Variants in COX7A2L observed in about 807,000 individuals in gnomAD.
COX7A2L encodes the protein cytochrome c oxidase subunit 7A2-like, mitochondrial.
COX7A2L carries 18 observed loss-of-function variants against 14.2 expected under a neutral mutation model. The observed-to-expected ratio is 1.27, with a 90% CI of 0.88 to 1.88. The LOEUF (loss-of-function observed/expected upper bound fraction) is 1.88, where lower values mean the gene tolerates loss of function less well. COX7A2L is among the 40% of genes most tolerant of loss of function. COX7A2L has a pLI of 0.00. For missense variants in COX7A2L, 179 were observed against 138.8 expected, an observed-to-expected ratio of 1.29 and a Z score of -1.46; for synonymous variants, 65 against 57.4, an observed-to-expected ratio of 1.13 and a Z score of -0.60.
In COX7A2L at chr2:42,342,441, C is replaced by T. The variant is rs1016474029; in HGVS notation, c.193-8572G>A. Among the ~76,000 whole-genome samples, 4 of 152,148 alleles carry T rather than the reference C, an allele frequency of 2.6e-5. No individual in the cohort carries two copies. The highest frequency in any genetic ancestry group is 9.7e-5 in the African/African-American group (4 of 41,444). ...ACGGCCCACACAGACTCAGCCTCTC[C>T]TTCCCTGCCTTGGAAAACCCAGGTC... is the stretch of plus-strand genomic sequence containing the variant. On this transcript the variant is annotated intron_variant, in intron 2 of 2. Coordinates refer to the COX7A2L transcript ENST00000468711. The surrounding 1 kb of genome is among the most constrained non-coding windows in gnomAD (Gnocchi z 4.9).
chr2:42,336,458 A>G (rs1363009302), intron 2 of COX7A2L, among the ~76,000 whole-genome samples: 1 of 152,148 alleles, frequency 6.6e-6, no homozygotes, highest in Non-Finnish European at 1.5e-5. Flanking sequence ...GAGTGCCCGA[A>G]GAAAGGGCCT....
At chr2:42,336,753 G>A (rs1021473293) in intron 2 of COX7A2L, among the ~76,000 whole-genome samples, 3 of 152,162 alleles carry the variant, frequency 2.0e-5, no homozygotes, top group South Asian at 4.1e-4. Context: ...CCTCTTCTAC[G>A]GACTTCAGTC....
chr2:42,367,693 G>C (rs977563074), intron 1 of COX7A2L, among the ~76,000 whole-genome samples: 3 of 152,218 alleles, frequency 2.0e-5, no homozygotes, highest in Non-Finnish European at 4.4e-5. Flanking sequence ...GCCCTCCACT[G>C]ACCACCGATT....
chr2:42,351,698 G>A (rs953013039), intron 2 of COX7A2L, among the ~76,000 whole-genome samples: 1 of 152,206 alleles, frequency 6.6e-6, no homozygotes, highest in Admixed American at 6.5e-5. Flanking sequence ...GAGAGGCTGG[G>A]CGCGGTGGCT....
chr2:42,340,387 TGTAA>T (rs1403816515), intron 2 of COX7A2L, among the ~76,000 whole-genome samples: 3 of 152,210 alleles, frequency 2.0e-5, no homozygotes, highest in African/African-American at 7.2e-5. Flanking sequence ...TATCAATTGT[TGTAA>T]GTCTTTTTCC....
rs190819821 is a variant in COX7A2L, at chr2:42,349,767, G to T, written c.*1452C>A. 6.6e-6 allele frequency: 1 copy of T among 152,148 alleles called. No individual in the cohort carries two copies. The highest frequency in any genetic ancestry group is 2.4e-5 in the African/African-American group (1 of 41,424). 9.4% of individuals were successfully genotyped at this position (152,148 alleles called of 1,614,324 possible). ...TGACAACTGCATTATGGTTATAAAG[G>T]AACACATGTCCTTACTCAGAAGATA... On this transcript the variant is annotated 3_prime_UTR_variant, in exon 3 of 3. Transcript: ENST00000234301.
At chr2:42,357,864 A>G (rs1255032414) in intron 1 of COX7A2L, among the ~76,000 whole-genome samples, 1 of 152,012 alleles carries the variant, frequency 6.6e-6, no homozygotes, top group Non-Finnish European at 1.5e-5. Flanking sequence ...TCACAAAATT[A>G]AGTCCTTACA....
intron 2 of COX7A2L, among the ~76,000 whole-genome samples, chr2:42,351,783 G>A (rs1221900541): frequency 3.9e-5 from 6 of 152,134 alleles, no homozygotes; most frequent in Admixed American, 2.6e-4. Context: ...AGACCAGCCT[G>A]GGCAACATGG....
chr2:42,367,869 C>A (rs1349284276), intron 1 of COX7A2L, among the ~76,000 whole-genome samples: 1 of 152,238 alleles, frequency 6.6e-6, no homozygotes, highest in Non-Finnish European at 1.5e-5. Context: ...TCTTCCACCC[C>A]CAAACTGCAA....
intron 2 of COX7A2L, among the ~76,000 whole-genome samples, chr2:42,351,640 A>AT (rs1670648540): frequency 6.6e-6 from 1 of 152,202 alleles, no homozygotes; most frequent in Non-Finnish European, 1.5e-5. Flanking sequence ...GCATTGGTGC[A>AT]TTTTTTAAAA....
rs756511828 is a variant in COX7A2L, at chr2:42,342,198, CT to C, written c.193-8330del. 7.9e-5 allele frequency among the ~76,000 whole-genome samples: 12 copies of C among 152,268 alleles called. No homozygotes were observed. In the South Asian group the frequency reaches 2.5e-3, roughly 32 times the overall value. ...TGAGCTCAGGGCTCCACACTCACAACTGAAGCCTAAGCCTGGTACAGCTGGA... is the reference window on the plus strand; with the variant it reads ...TGAGCTCAGGGCTCCACACTCACAACGAAGCCTAAGCCTGGTACAGCTGGA... On this transcript the variant is annotated intron_variant, in intron 2 of 2. Coordinates refer to the COX7A2L transcript ENST00000468711. The surrounding 1 kb of genome is among the most constrained non-coding windows in gnomAD (Gnocchi z 4.9).
At position 42,361,176 on chromosome 2, in the gene COX7A2L, G is replaced by C. The variant is rs200842940; in HGVS notation, c.-15C>G. 3 of 1,599,732 alleles carry C rather than the reference G, an allele frequency of 1.9e-6. No homozygotes were observed. Among genetic ancestry groups the C allele is most frequent in the South Asian group, 1.1e-5 (1 of 89,404 alleles). On this transcript the variant is annotated 5_prime_UTR_variant, in exon 1 of 3. Transcript: ENST00000234301. The stretch of plus-strand genomic sequence containing the variant: ...TTGTAGTACATGACGCCCAGAGTCC[G>C]GCTTCCCGCATCCGCTGCCAACGCG...
rs1388715462 is a variant in COX7A2L, at chr2:42,360,885, A to T, written c.72+205T>A. 7 of 616,852 alleles carry T rather than the reference A, an allele frequency of 1.1e-5. No individual in the cohort carries two copies. The East Asian group carries it at 2.0e-4, about 18-fold the overall frequency. The allele number at this position is 616,852 out of a possible 1,614,324, so 38.2% of individuals were successfully genotyped here. On this transcript the variant is annotated intron_variant, in intron 1 of 2. Transcript: ENST00000234301. ...CCAGACCAAACTTCCACGCCAGGCC[A>T]GCCCCCGCCAGGTGAGCAGGTACAC...
At position 42,351,072 on chromosome 2, in the gene COX7A2L, C is replaced by A; in HGVS notation, c.*147G>T. The A allele has an allele frequency of 1.1e-6, 1 of 917,838 alleles. No individual in the cohort carries two copies. The highest frequency in any genetic ancestry group is 1.6e-6 in the Non-Finnish European group (1 of 631,808). 56.9% of individuals were successfully genotyped at this position (917,838 alleles called of 1,614,324 possible). A position where few individuals can be genotyped will look rare whatever the true frequency, so the allele number is the denominator to read the frequency against. On this transcript the variant is annotated 3_prime_UTR_variant, in exon 3 of 3. Transcript: ENST00000234301. The stretch of plus-strand genomic sequence containing the variant: ...TGACAAGCCATATGCATTTCATAAA[C>A]AAACCAAAACATCATCTTCATATCT...
upstream of COX7A2L, chr2:42,365,632 A>T (rs527507988): frequency 2.7e-5 from 4 of 148,016 alleles, no homozygotes; most frequent in Admixed American, 1.3e-4. Flanking sequence ...CGTCCCGAAG[A>T]AAAAAAAAAA....
At chr2:42,351,601 A>C (rs1011138109) in intron 2 of COX7A2L, among the ~76,000 whole-genome samples, 2 of 152,340 alleles carry the variant, frequency 1.3e-5, no homozygotes, top group Non-Finnish European at 1.5e-5. Flanking sequence ...CAAATGTCTA[A>C]GACATTTATC....
intron 1 of COX7A2L, among the ~76,000 whole-genome samples, chr2:42,353,666 C>A (rs1481166182): frequency 6.6e-6 from 1 of 152,088 alleles, no homozygotes; most frequent in East Asian, 1.9e-4. Context: ...TCTAAATGAG[C>A]TAATCTAGTA....
intron 1 of COX7A2L, among the ~76,000 whole-genome samples, chr2:42,354,843 C>T (rs1670766458): frequency 1.3e-5 from 2 of 152,156 alleles, no homozygotes; most frequent in Admixed American, 1.3e-4. Context: ...TGTTATAAAC[C>T]AACAGCAGCT....
Position 42,361,199 on chromosome 2 carries a change from G to T in COX7A2L, c.-38C>A. ...CCGGCTTCCCGCATCCGCTGCCAAC[G>T]CGACCGCCCCAGAGAAGGACCCCGC... On this transcript the variant is annotated 5_prime_UTR_variant, in exon 1 of 3. Coordinates refer to ENST00000234301, the MANE Select transcript of COX7A2L (RefSeq NM_004718.4). 1.9e-6 allele frequency: 3 copies of T among 1,567,414 alleles called. No homozygotes were observed. Among genetic ancestry groups the T allele is most frequent in the Non-Finnish European group, 2.6e-6 (3 of 1,151,446 alleles).
Sources: allele counts gnomAD v4.1 joint callset (sites outside exome capture counted in the v4.1 genomes callset), GRCh38; gene constraint gnomAD v4.1.1; non-coding constraint Gnocchi (gnomAD v3.1); transcripts MANE v1.5; gene names NCBI Gene and HGNC (gene_info 2026-07-23, HGNC 2026-07-21).